Variants in SCAI observed in about 807,000 individuals in gnomAD.
SCAI encodes protein SCAI.
A neutral mutation model predicts 92.2 loss-of-function variants in SCAI; 24 were observed. The ratio of observed to expected loss-of-function variants is 0.26; its 90% CI spans 0.19 to 0.37. The LOEUF (loss-of-function observed/expected upper bound fraction) is 0.37. Ranked by LOEUF, SCAI falls within the 10% of genes least tolerant of loss-of-function variation. SCAI has a pLI of 1.00. For missense variants in SCAI, 450 were observed against 736.2 expected (o/e 0.61, Z 4.50); for synonymous variants, 261 against 258.6 (o/e 1.01, Z -0.09).
chr9:124,981,085 G>C (rs998953838), intron 14 of SCAI, among the ~76,000 whole-genome samples: 3 of 152,140 alleles, frequency 2.0e-5, no homozygotes, highest in Admixed American at 6.5e-5. Flanking sequence ...TGCCCACACA[G>C]ATGAAGTGTA....
chr9:125,136,309 C>A (rs1456583893), intron 2 of SCAI, among the ~76,000 whole-genome samples: 1 of 151,798 alleles, frequency 6.6e-6, no homozygotes, highest in African/African-American at 2.4e-5. Context: ...TGAGGTTTCA[C>A]CATGTTGCCC....
At chr9:124,983,779 T>C (rs925638754) in intron 14 of SCAI, among the ~76,000 whole-genome samples, 9 of 152,378 alleles carry the variant, frequency 5.9e-5, no homozygotes, top group Middle Eastern at 3.4e-3. Flanking sequence ...GCACAGCACA[T>C]AGTTAATAGC....
rs542084486 is a variant in SCAI at position 125,108,686 on chromosome 9, G to C, written c.98+33947C>G. On this transcript the variant is annotated intron_variant, in intron 2 of 17. Coordinates refer to ENST00000336505, the MANE Select transcript of SCAI (RefSeq NM_001144877.3). ...AGCCCCTCCGCCCGGCAGCCGCCCC[G>C]TCAGAGAAGTGAGGAACCCCTCCGC... Among the ~76,000 whole-genome samples the C allele has an allele frequency of 7.5e-5, 11 of 146,854 alleles. No individual in the cohort carries two copies. The East Asian group carries it at 2.7e-3, about 36-fold the overall frequency.
At chr9:124,964,910 C>T (rs1024871965) in intron 17 of SCAI, among the ~76,000 whole-genome samples, 1 of 152,102 alleles carries the variant, frequency 6.6e-6, no homozygotes, top group Non-Finnish European at 1.5e-5. Context: ...AACCCAAGTG[C>T]ATTTGCACAA....
intron 17 of SCAI, among the ~76,000 whole-genome samples, chr9:124,964,344 C>T (rs929463277): frequency 1.3e-5 from 2 of 152,192 alleles, no homozygotes; most frequent in African/African-American, 2.4e-5. Flanking sequence ...TCACTCCCCA[C>T]CCTTTTTGCC....
At chr9:125,067,427 C>T (rs1833895927) in intron 2 of SCAI, among the ~76,000 whole-genome samples, 2 of 151,940 alleles carry the variant, frequency 1.3e-5, no homozygotes, top group South Asian at 4.2e-4. Flanking sequence ...AGGGAGAATG[C>T]CATGTGAAGA....
chr9:125,003,337 G>T (rs2131039767), intron 10 of SCAI, 122 bp from the exon 11 acceptor site: 1 of 991,144 alleles, frequency 1.0e-6, no homozygotes, highest in Non-Finnish European at 1.6e-6. Context: ...TTACTGTGAT[G>T]ATCTATTTCT....
At chr9:125,137,959 T>G (rs1350057148) in intron 2 of SCAI, among the ~76,000 whole-genome samples, 2 of 152,198 alleles carry the variant, frequency 1.3e-5, no homozygotes, top group Non-Finnish European at 2.9e-5. Context: ...ATCTGAAAAC[T>G]GAACTTTATT....
At chr9:124,999,625 A>G (rs1832316884) in intron 13 of SCAI, among the ~76,000 whole-genome samples, 1 of 152,176 alleles carries the variant, frequency 6.6e-6, no homozygotes, top group African/African-American at 2.4e-5. Flanking sequence ...ACTAGAATGC[A>G]ATTTTGTTCA....
chr9:124,982,474 C>T (rs1554776818), intron 14 of SCAI, among the ~76,000 whole-genome samples: 1 of 151,872 alleles, frequency 6.6e-6, no homozygotes, highest in Non-Finnish European at 1.5e-5. Context: ...GAGTTCGACA[C>T]CAGCCTGGCC....
intron 9 of SCAI, among the ~76,000 whole-genome samples, chr9:125,009,420 C>T (rs1399637280): frequency 6.6e-6 from 1 of 152,102 alleles, no homozygotes; most frequent in African/African-American, 2.4e-5. Context: ...TAGGCACATG[C>T]CATCATGCCT....
intron 2 of SCAI, among the ~76,000 whole-genome samples, chr9:125,131,554 A>C (rs1835401797): frequency 6.6e-6 from 1 of 152,136 alleles, no homozygotes. Flanking sequence ...AGGACCTATG[A>C]GCTCTTTTTG....
chr9:125,090,897 TC>T (rs1226687410), intron 2 of SCAI, among the ~76,000 whole-genome samples: 5 of 152,200 alleles, frequency 3.3e-5, no homozygotes, highest in African/African-American at 1.2e-4. Context: ...GGCAGGTGGA[TC>T]ATGAGGTCAA....
intron 5 of SCAI, 133 bp downstream of exon 5, chr9:125,028,259 G>A: frequency 1.8e-6 from 1 of 567,072 alleles, no homozygotes; most frequent in Non-Finnish European, 3.1e-6. Flanking sequence ...GATCAATCTG[G>A]TCCGAACTAC....
chr9:125,106,118 AAAAAATATATATATATAT>A (rs1202837772), intron 2 of SCAI, among the ~76,000 whole-genome samples: 3 of 27,862 alleles, frequency 1.1e-4, no homozygotes, highest in African/African-American at 9.7e-5. Flanking sequence ...AAAAAAAAAA[AAAAAATATATATATATAT>A]ATATATATAT....
intron 2 of SCAI, among the ~76,000 whole-genome samples, chr9:125,122,583 C>A (rs534846472): frequency 4.4e-5 from 4 of 91,444 alleles, no homozygotes; most frequent in African/African-American, 1.4e-4. Flanking sequence ...AGTGAGACTC[C>A]ATCTCAAAAA....
chr9:125,122,204 G>C (rs566007536), intron 2 of SCAI, among the ~76,000 whole-genome samples: 11 of 152,174 alleles, frequency 7.2e-5, no homozygotes, highest in African/African-American at 2.7e-4. Context: ...CTTTCGGTTG[G>C]ACTGAGTAGT....
At chr9:125,032,908 C>A (rs1266593033) in intron 3 of SCAI, among the ~76,000 whole-genome samples, 5 of 152,092 alleles carry the variant, frequency 3.3e-5, no homozygotes, top group Non-Finnish European at 5.9e-5. Flanking sequence ...TGAGCCACTG[C>A]GCCCAGCCTA....
chr9:125,096,700 T>G (rs1224754397), intron 2 of SCAI, among the ~76,000 whole-genome samples: 2 of 152,226 alleles, frequency 1.3e-5, no homozygotes, highest in African/African-American at 4.8e-5. Flanking sequence ...CAACTCCTGC[T>G]TCTGGGGAAC....
Sources: allele counts gnomAD v4.1 joint callset (sites outside exome capture counted in the v4.1 genomes callset), GRCh38; gene constraint gnomAD v4.1.1; transcripts MANE v1.5; gene names NCBI Gene and HGNC (gene_info 2026-07-23, HGNC 2026-07-21).